ZNF638: variants seen among roughly 807,000 people sequenced by gnomAD.
The protein encoded by ZNF638 is zinc finger protein 638.
A neutral mutation model predicts 195.6 loss-of-function variants in ZNF638; 46 were observed. The ratio of observed to expected loss-of-function variants is 0.24; its 90% CI spans 0.19 to 0.30. The LOEUF (loss-of-function observed/expected upper bound fraction) is 0.30. ZNF638 is among the 10% of genes least tolerant of loss of function. The pLI, the probability that ZNF638 is intolerant of heterozygous loss-of-function variation, is 1.00. For missense variants in ZNF638, 2,440 were observed against 2,325.3 expected (o/e 1.05, Z -1.01); for synonymous variants, 845 against 772.0 (o/e 1.09, Z -1.57).
In ZNF638 at chr2:71,422,823, G is replaced by T; in HGVS notation, c.3309G>T (p.Leu1103Phe). Residue 1103 changes from leucine to phenylalanine, a missense_variant, in exon 22 of 28, where the codon TTG becomes TTT. By Grantham distance (22) the Leu-to-Phe change is conservative. Transcript: ENST00000264447. ...TTTTAAATACTTTTAGCCCTGGCTTGAAAAACAGTCCAATTGATGAAAGTG... is the reference window on the plus strand; with the variant it reads ...TTTTAAATACTTTTAGCCCTGGCTTTAAAAACAGTCCAATTGATGAAAGTG... The part of the protein sequence containing the change: ...DPELEKESPG[L>F]KNSPIDESEV... 1 of 1,608,340 alleles carries T rather than the reference G, an allele frequency of 6.2e-7. No individual in the cohort carries two copies. The highest frequency in any genetic ancestry group is 1.1e-5 in the South Asian group (1 of 90,226).
intron 12 of ZNF638, among the ~76,000 whole-genome samples, chr2:71,399,107 TAC>T (rs1195225511): frequency 2.0e-5 from 3 of 152,212 alleles, no homozygotes; most frequent in Non-Finnish European, 4.4e-5. Flanking sequence ...CTCCAGTTTG[TAC>T]AGTTTCTTAG....
chr2:71,372,441 A>G (rs991281964), intron 8 of ZNF638, among the ~76,000 whole-genome samples: 1 of 152,114 alleles, frequency 6.6e-6, no homozygotes, highest in Non-Finnish European at 1.5e-5. Context: ...ACTGAGTTCA[A>G]TGTAAAGTCC....
In ZNF638 at chr2:71,349,136, A is replaced by G. The variant is rs761390533; in HGVS notation, c.182A>G (p.Tyr61Cys). 6.2e-7 allele frequency: 1 copy of G among 1,614,230 alleles called. No homozygotes were observed. Among genetic ancestry groups the G allele is most frequent in the Non-Finnish European group, 8.5e-7 (1 of 1,180,030 alleles). The change falls in exon 2 of 28, where the codon TAT becomes TGT. Residue 61 changes from tyrosine to cysteine, a missense_variant. Physicochemically the swap from Tyr to Cys is radical, Grantham distance 194. Coordinates refer to ENST00000264447, the MANE Select transcript of ZNF638 (RefSeq NM_014497.5). ...IPHRFAGHES[Y>C]QNMGPQRMNV... ...CACAGATTTGCTGGCCATGAATCTT[A>G]TCAGAACATGGGGCCACAGAGAATG...
rs931303309 is a variant in ZNF638 at position 71,421,726 on chromosome 2, A to T, written c.3300-1088A>T. On this transcript the variant is annotated intron_variant, in intron 21 of 27. Transcript: ENST00000264447. Reference sequence around the variant, plus strand: ...TACTTTTTAATAATCAGGTATTGATATGATAGGATCACTCTCTGGTGTCTT... The same window carrying T: ...TACTTTTTAATAATCAGGTATTGATTTGATAGGATCACTCTCTGGTGTCTT... 2.0e-5 allele frequency among the ~76,000 whole-genome samples: 3 copies of T among 152,186 alleles called. No individual in the cohort carries two copies. In the South Asian group the frequency reaches 6.2e-4, roughly 32 times the overall value.
At chr2:71,396,689 A>T (rs1024600532) in intron 11 of ZNF638, among the ~76,000 whole-genome samples, 1 of 152,226 alleles carries the variant, frequency 6.6e-6, no homozygotes, top group African/African-American at 2.4e-5. Flanking sequence ...TCACGCCTAT[A>T]ATCCCATCAC....
In ZNF638 at chr2:71,426,658, T is replaced by C; in HGVS notation, c.4789T>C (p.Ser1597Pro). 3 of 1,614,172 alleles carry C rather than the reference T, an allele frequency of 1.9e-6. No homozygotes were observed. The South Asian group carries it at 3.3e-5, about 18-fold the overall frequency. Residue 1597 changes from serine to proline, a missense_variant, in exon 24 of 28, where the codon TCT becomes CCT. By Grantham distance (74) the Ser-to-Pro change is moderately conservative. Coordinates refer to ENST00000264447, the MANE Select transcript of ZNF638 (RefSeq NM_014497.5). ...STPRGVEGEL[S>P]FVTLDEIGEE... ...TCCTCGTGGTGTTGAGGGAGAACTA[T>C]CTTTTGTGACATTGGATGAGATTGG...
At chr2:71,388,272 T>A in intron 10 of ZNF638, 1 of 372,346 alleles carries the variant, frequency 2.7e-6, no homozygotes, top group Middle Eastern at 9.5e-4. Flanking sequence ...TAAAGGAATT[T>A]ATCTAGATAA....
At chr2:71,384,689 T>G (rs2079603051) in intron 10 of ZNF638, among the ~76,000 whole-genome samples, 1 of 152,210 alleles carries the variant, frequency 6.6e-6, no homozygotes, top group African/African-American at 2.4e-5. Flanking sequence ...GATCGAATGA[T>G]TTTTTTCTCT....
At chr2:71,387,642 G>A (rs1331472169) in intron 10 of ZNF638, among the ~76,000 whole-genome samples, 4 of 134,858 alleles carry the variant, frequency 3.0e-5, no homozygotes, top group East Asian at 4.2e-4. Flanking sequence ...CTCAGCCTGG[G>A]CAACAGAGCA....
At chr2:71,361,206 G>A (rs2542506) in intron 3 of ZNF638, among the ~76,000 whole-genome samples, 137,285 of 152,146 alleles carry the variant, frequency 0.9, 62,014 homozygotes, top group Admixed American at 0.92. Context: ...GCCTACCTCA[G>A]CCTCCCGAAG....
chr2:71,396,704 G>A (rs1428916538), intron 11 of ZNF638, among the ~76,000 whole-genome samples: 1 of 152,130 alleles, frequency 6.6e-6, no homozygotes, highest in East Asian at 1.9e-4. Context: ...CATCACTTTG[G>A]GAGACCGAAG....
intron 7 of ZNF638, among the ~76,000 whole-genome samples, chr2:71,369,637 G>A (rs1283529349): frequency 6.6e-6 from 1 of 152,082 alleles, no homozygotes; most frequent in Non-Finnish European, 1.5e-5. Context: ...CTTCTTCCAT[G>A]AGCCTGCCTG....
chr2:71,390,397 G>T (rs933328324), intron 10 of ZNF638, among the ~76,000 whole-genome samples: 6 of 152,212 alleles, frequency 3.9e-5, no homozygotes, highest in Non-Finnish European at 8.8e-5. Context: ...GGGGCCCACT[G>T]CCTCCAGAAC....
chr2:71,408,821 A>G (rs1376823230), intron 20 of ZNF638: 1 of 353,364 alleles, frequency 2.8e-6, no homozygotes, highest in East Asian at 9.2e-5. Flanking sequence ...TGTGTTGTCA[A>G]TCTGTTAAAA....
At position 71,422,865 on chromosome 2, in the gene ZNF638, T is replaced by C. The variant is rs1419985511; in HGVS notation, c.3351T>C (p.Thr1117=). The change falls in exon 22 of 28, where the codon ACT becomes ACC. Residue 1117 remains threonine, a synonymous_variant. Transcript: ENST00000264447. ...ATGAAAGTGAGGTGCAAACAGCAAC[T>C]GATAGTCCCTCTGTTAAACCTAATG... ...PIDESEVQTA[T]DSPSVKPNEL... is the part of the protein sequence containing the mutation. The C allele has an allele frequency of 1.2e-6, 2 of 1,614,048 alleles. No individual in the cohort carries two copies. The highest frequency in any genetic ancestry group is 1.3e-5 in the African/African-American group (1 of 75,050).
intron 1 of ZNF638, among the ~76,000 whole-genome samples, chr2:71,345,314 CAAAG>C (rs2078831895): frequency 6.6e-6 from 1 of 152,220 alleles, no homozygotes; most frequent in Non-Finnish European, 1.5e-5. Flanking sequence ...ATTTCATTCA[CAAAG>C]AAAAGGCAAC....
At chr2:71,401,775 A>C (rs1488539754) in intron 15 of ZNF638, among the ~76,000 whole-genome samples, 181 bp from the exon 16 acceptor site, 1 of 152,034 alleles carries the variant, frequency 6.6e-6, no homozygotes, top group African/African-American at 2.4e-5. Context: ...GAAGAGTGTA[A>C]ATTTGCAAGC....
At position 71,366,867 on chromosome 2, in the gene ZNF638, G is replaced by A. The variant is rs2079209787; in HGVS notation, c.1995+1161G>A. Among the ~76,000 whole-genome samples the A allele has an allele frequency of 3.9e-5, 6 of 152,212 alleles. No individual in the cohort carries two copies. The South Asian group carries it at 1.2e-3, about 32-fold the overall frequency. ...ACTAAGGTATTGTTTTATTGTATGTGTTTATTAAATCACTATTAATATATT... is the reference window on the plus strand; with the variant it reads ...ACTAAGGTATTGTTTTATTGTATGTATTTATTAAATCACTATTAATATATT... On this transcript the variant is annotated intron_variant, in intron 6 of 27. Coordinates refer to ENST00000264447, the MANE Select transcript of ZNF638 (RefSeq NM_014497.5).
chr2:71,417,443 C>T lies in ZNF638; in HGVS notation c.3262-1159C>T, dbSNP rs372462569. Among the ~76,000 whole-genome samples, 6 of 152,106 alleles carry T rather than the reference C, an allele frequency of 3.9e-5. No homozygotes were observed. In the South Asian group the frequency reaches 8.3e-4, roughly 21 times the overall value. ...TGCAGAAATCACCCGTCTTCTGCGT[C>T]GCTCACGCTGGGAGCTGTAGACCGG... is the stretch of plus-strand genomic sequence containing the variant. On this transcript the variant is annotated intron_variant, in intron 20 of 27. Transcript: ENST00000264447.
Sources: gnomAD v4.1 joint callset for allele counts (sites outside exome capture counted in the v4.1 genomes callset) on GRCh38, gnomAD v4.1.1 for gene constraint, MANE v1.5 for transcripts, NCBI Gene and HGNC (gene_info 2026-07-23, HGNC 2026-07-21) for gene names.